TOM1L2: variants seen among roughly 807,000 people sequenced by gnomAD.
The protein encoded by TOM1L2 is TOM1-like protein 2.
In TOM1L2, 31 loss-of-function variants were observed where a neutral mutation model predicts 67.9. The ratio of observed to expected loss-of-function variants is 0.46; its 90% CI spans 0.34 to 0.62. The LOEUF (loss-of-function observed/expected upper bound fraction) is 0.62, where lower values mean the gene tolerates loss of function less well. Among genes scored for constraint, TOM1L2 ranks in the 20% least tolerant of loss-of-function variants. TOM1L2 has a pLI of 0.01. For missense variants in TOM1L2, 606 were observed against 663.5 expected, an observed-to-expected ratio of 0.91 and a Z score of 0.95; for synonymous variants, 256 against 254.0, an observed-to-expected ratio of 1.01 and a Z score of -0.07.
chr17:17,848,026 A>ACCATTTTCCAGATCAGCACTGGGTTTTGT (rs1054173766), intron 14 of TOM1L2, among the ~76,000 whole-genome samples: 92 of 152,214 alleles, frequency 6.0e-4, no homozygotes, highest in African/African-American at 2.1e-3. Flanking sequence ...CCTACCGCTG[A>ACCATTTTCCAGATCAGCACTGGGTTTTGT]CCATTTTCCA....
chr17:17,869,458 A>C lies in TOM1L2; in HGVS notation c.793T>G (p.Cys265Gly), dbSNP rs1365705483. The part of the protein sequence containing the change: ...LELLQELNRT[C>G]RAMQQRIVEL... ...ACGATGCGCTGCTGCATGGCCCGAC[A>C]GGTCCTGTTGAGCTCCTAGGGAACA... Residue 265 changes from cysteine to glycine, a missense_variant, in exon 8 of 15, where the codon TGT becomes GGT. Coordinates refer to ENST00000379504, the MANE Select transcript of TOM1L2 (RefSeq NM_001082968.2). The C allele has an allele frequency of 6.2e-7, 1 of 1,610,888 alleles. No homozygotes were observed. The highest frequency in any genetic ancestry group is 1.7e-5 in the Admixed American group (1 of 59,952).
intron 13 of TOM1L2, among the ~76,000 whole-genome samples, chr17:17,849,672 C>T (rs1439064990): frequency 2.0e-5 from 3 of 152,178 alleles, no homozygotes; most frequent in African/African-American, 7.2e-5. Context: ...GGGGAAGTGA[C>T]AAAGCCCTGG....
chr17:17,945,845 A>T (rs1244232464), intron 1 of TOM1L2, among the ~76,000 whole-genome samples: 1 of 152,146 alleles, frequency 6.6e-6, no homozygotes, highest in Admixed American at 6.5e-5. Flanking sequence ...ACCCTAATTC[A>T]ATCTTTTTTC....
chr17:17,891,051 A>T (rs1220654879), intron 4 of TOM1L2, among the ~76,000 whole-genome samples: 1 of 152,186 alleles, frequency 6.6e-6, no homozygotes, highest in African/African-American at 2.4e-5. Flanking sequence ...ATCAACCCCC[A>T]TCTAGGAGTA....
At chr17:17,938,833 A>G (rs144497916) in intron 1 of TOM1L2, among the ~76,000 whole-genome samples, 4 of 151,258 alleles carry the variant, frequency 2.6e-5, no homozygotes, top group Non-Finnish European at 5.9e-5. Flanking sequence ...TTGGCCTCCT[A>G]AAGTACTGGG....
At chr17:17,966,773 G>T (rs1399977651) in intron 1 of TOM1L2, among the ~76,000 whole-genome samples, 2 of 152,226 alleles carry the variant, frequency 1.3e-5, no homozygotes, top group Middle Eastern at 3.2e-3. Context: ...GTTAAATGTT[G>T]TGAGGGTTAA....
At chr17:17,914,889 T>A (rs537971759) in intron 1 of TOM1L2, among the ~76,000 whole-genome samples, 4 of 152,218 alleles carry the variant, frequency 2.6e-5, no homozygotes, top group African/African-American at 9.6e-5. Flanking sequence ...TAAAAAAAAA[T>A]TTAAAAAGAG....
At chr17:17,917,302 C>G (rs2039666091) in intron 1 of TOM1L2, among the ~76,000 whole-genome samples, 1 of 151,968 alleles carries the variant, frequency 6.6e-6, no homozygotes, top group African/African-American at 2.4e-5. Context: ...TCACTGCACT[C>G]CAGCCTGGGC....
chr17:17,857,057 C>T (rs1480577823), intron 12 of TOM1L2, among the ~76,000 whole-genome samples: 7 of 152,196 alleles, frequency 4.6e-5, no homozygotes, highest in Non-Finnish European at 8.8e-5. Flanking sequence ...CAGGTTCAAG[C>T]GATTCTCCTG....
chr17:17,900,885 C>G (rs1055322273), intron 2 of TOM1L2, among the ~76,000 whole-genome samples: 5 of 152,242 alleles, frequency 3.3e-5, no homozygotes, highest in African/African-American at 1.2e-4. Flanking sequence ...CTCCAAGGCT[C>G]TGCCAAACCA....
chr17:17,848,079 G>GCC lies in TOM1L2; in HGVS notation c.1376-297_1376-296insGG, dbSNP rs750398681. On this transcript the variant is annotated intron_variant, in intron 14 of 14. Transcript: ENST00000379504. ...GTCCATTTTCCAGATCAGCACTGGG[G>GCC]GTGGGGCAGGGTAAGCTGGAGGGGC... is the stretch of plus-strand genomic sequence containing the variant. Among the ~76,000 whole-genome samples the GCC allele has an allele frequency of 5.3e-5, 8 of 152,120 alleles. No individual in the cohort carries two copies. The East Asian group carries it at 1.5e-3, about 29-fold the overall frequency.
chr17:17,884,741 G>C lies in TOM1L2; in HGVS notation c.394C>G (p.Pro132Ala), dbSNP rs774932395. 1.9e-6 allele frequency: 3 copies of C among 1,613,630 alleles called. No homozygotes were observed. The highest frequency in any genetic ancestry group is 2.5e-6 in the Non-Finnish European group (3 of 1,180,014). The change falls in exon 5 of 15, where the codon CCT (proline) becomes GCT (alanine). Residue 132 changes from proline (P) to alanine (A), a missense_variant. By Grantham distance (27) the Pro-to-Ala change is conservative. Transcript: ENST00000379504. ...QAWADAFRSS[P>A]DLTGVVHIYE... ...ATGTGCACAACGCCGGTGAGATCAG[G>C]ACTGCTTCGAAAGGCATCAGCCCAT...
chr17:17,847,853 C>T, intron 14 of TOM1L2, 70 bp from the exon 15 acceptor site: 1 of 1,603,436 alleles, frequency 6.2e-7, no homozygotes, highest in Admixed American at 1.7e-5. Context: ...CACCCTTCCA[C>T]TCCCCAGCCC....
chr17:17,902,749 TG>T (rs1271291909), intron 2 of TOM1L2, among the ~76,000 whole-genome samples: 4 of 152,196 alleles, frequency 2.6e-5, no homozygotes, highest in African/African-American at 4.8e-5. Flanking sequence ...ACAAAAGTCA[TG>T]GGCAATGGAA....
chr17:17,912,645 GCTC>G (rs1568253519), intron 1 of TOM1L2, among the ~76,000 whole-genome samples: 1 of 149,382 alleles, frequency 6.7e-6, no homozygotes, highest in Non-Finnish European at 1.5e-5. Context: ...GGGAAGAGGC[GCTC>G]CTCACTTCCT....
chr17:17,945,812 G>C (rs1469254468), intron 1 of TOM1L2, among the ~76,000 whole-genome samples: 1 of 152,118 alleles, frequency 6.6e-6, no homozygotes, highest in Non-Finnish European at 1.5e-5. Context: ...AAGAAGAAAA[G>C]CTAGTCACAT....
At chr17:17,918,340 C>T (rs1212430539) in intron 1 of TOM1L2, among the ~76,000 whole-genome samples, 1 of 151,948 alleles carries the variant, frequency 6.6e-6, no homozygotes, top group Non-Finnish European at 1.5e-5. Context: ...CCTTCCTTTC[C>T]CATTGAGATG....
intron 12 of TOM1L2, chr17:17,858,421 C>A: frequency 6.6e-6 from 1 of 152,570 alleles, no homozygotes; most frequent in Non-Finnish European, 1.5e-5. Context: ...ATGACTTTTT[C>A]TTTTTCTCTT....
chr17:17,903,412 A>AGGCG (rs1181241723), intron 2 of TOM1L2, among the ~76,000 whole-genome samples: 1 of 152,028 alleles, frequency 6.6e-6, no homozygotes, highest in Non-Finnish European at 1.5e-5. Flanking sequence ...TCACGAGGTA[A>AGGCG]GGGGATCGAG....
Sources: gnomAD v4.1 joint callset for allele counts (sites outside exome capture counted in the v4.1 genomes callset) on GRCh38, gnomAD v4.1.1 for gene constraint, MANE v1.5 for transcripts, NCBI Gene and HGNC (gene_info 2026-07-23, HGNC 2026-07-21) for gene names.